NCOA2: variants seen among roughly 807,000 people sequenced by gnomAD.
NCOA2 encodes class E basic helix-loop-helix protein 75.
In NCOA2, 21 loss-of-function variants were observed where a neutral mutation model predicts 145.1. The observed-to-expected ratio is 0.14, with a 90% CI of 0.10 to 0.21. The LOEUF is 0.21. Among genes scored for constraint, NCOA2 ranks in the 10% least tolerant of loss-of-function variants. The pLI, the probability that NCOA2 is intolerant of heterozygous loss-of-function variation, is 1.00. For synonymous variants in NCOA2, 619 were observed against 637.5 expected (o/e 0.97, Z 0.44); for missense variants, 1,472 against 1,837.6 (o/e 0.80, Z 3.64).
Position 70,123,932 on chromosome 8 carries a change from T to G in NCOA2, c.4245A>C (p.Ser1415=). 1 of 1,613,922 alleles carries G rather than the reference T, an allele frequency of 6.2e-7. No individual in the cohort carries two copies. Among genetic ancestry groups the G allele is most frequent in the Non-Finnish European group, 8.5e-7 (1 of 1,179,818 alleles). ...GCCCTGACGTAGGCACGGAGGTCAC[T>G]GAGGTCATGCTGATCTGTCCTGTCA... The part of the protein sequence containing the change: ...NQMTGQISMT[S]VTSVPTSGLS... Residue 1415 remains serine, a synonymous_variant, in exon 21 of 23, where the codon TCA becomes TCC. Coordinates refer to ENST00000452400, the MANE Select transcript of NCOA2 (RefSeq NM_006540.4).
intron 4 of NCOA2, among the ~76,000 whole-genome samples, chr8:70,197,358 A>G (rs1298035211): frequency 6.6e-6 from 1 of 152,198 alleles, no homozygotes; most frequent in African/African-American, 2.4e-5. Context: ...TATCAGCTTT[A>G]TTACCTACTA....
At chr8:70,418,094 A>G in the NCOA2 span, among the ~76,000 whole-genome samples, 1 of 152,172 alleles carries the variant, frequency 6.6e-6, no homozygotes, top group Non-Finnish European at 1.5e-5. Context: ...CATAGTAGCG[A>G]TACTCCCTCC....
intron 3 of NCOA2, among the ~76,000 whole-genome samples, chr8:70,215,716 T>C (rs4484728): frequency 0.76 from 115,664 of 152,060 alleles, 45,065 homozygotes; most frequent in Non-Finnish European, 0.84. Flanking sequence ...ATTTAAAACA[T>C]TGAAAAAGTG....
the NCOA2 span, among the ~76,000 whole-genome samples, chr8:70,435,786 T>G: frequency 6.6e-6 from 1 of 151,950 alleles, no homozygotes; most frequent in Non-Finnish European, 1.5e-5. Flanking sequence ...TACATTTATT[T>G]TTGTGAATGT....
intron 1 of NCOA2, among the ~76,000 whole-genome samples, chr8:70,360,658 C>A (rs1269953785): frequency 6.6e-6 from 1 of 152,064 alleles, no homozygotes; most frequent in Non-Finnish European, 1.5e-5. Flanking sequence ...TATTTGTAGG[C>A]CGGGTGCGGT....
chr8:70,424,692 A>T, the NCOA2 span: 1 of 251,364 alleles, frequency 4.0e-6, no homozygotes, highest in Non-Finnish European at 8.1e-6. Context: ...CGTCCTAACT[A>T]CTCAATTCTG....
intron 15 of NCOA2, among the ~76,000 whole-genome samples, chr8:70,133,692 C>G (rs1809420061): frequency 6.6e-6 from 1 of 152,182 alleles, no homozygotes; most frequent in African/African-American, 2.4e-5. Flanking sequence ...TATAGATGAG[C>G]AAACTCATTC....
chr8:70,343,091 T>C (rs1430033622), intron 1 of NCOA2, among the ~76,000 whole-genome samples: 5 of 152,208 alleles, frequency 3.3e-5, no homozygotes, highest in East Asian at 1.9e-4. Flanking sequence ...TCAACAGTCA[T>C]TGCAAATACA....
intron 4 of NCOA2, among the ~76,000 whole-genome samples, chr8:70,205,475 C>T (rs967576518): frequency 2.6e-5 from 4 of 152,112 alleles, no homozygotes; most frequent in African/African-American, 2.4e-5. Flanking sequence ...TGGTGAAGCC[C>T]CCTTGCCACT....
intron 22 of NCOA2, among the ~76,000 whole-genome samples, chr8:70,116,671 A>G (rs1807175010): frequency 6.6e-6 from 1 of 152,248 alleles, no homozygotes; most frequent in South Asian, 2.1e-4. Context: ...GACAAATCCA[A>G]GTAACTTCCG....
At chr8:70,367,469 T>C (rs895048440) in intron 1 of NCOA2, among the ~76,000 whole-genome samples, 1 of 152,144 alleles carries the variant, frequency 6.6e-6, no homozygotes, top group Non-Finnish European at 1.5e-5. Flanking sequence ...AACAGAGTAA[T>C]AGTTACACCA....
At chr8:70,208,162 G>C (rs1818657216) in intron 4 of NCOA2, among the ~76,000 whole-genome samples, 1 of 152,224 alleles carries the variant, frequency 6.6e-6, no homozygotes, top group South Asian at 2.1e-4. Context: ...AGTTTCAGTT[G>C]TCTGGACAGA....
chr8:70,274,205 G>GAAA (rs201704083), intron 2 of NCOA2, among the ~76,000 whole-genome samples: 1,460 of 112,134 alleles, frequency 0.013, 24 homozygotes, highest in African/African-American at 0.042. Flanking sequence ...CTCATGTTTG[G>GAAA]AAAAAAAAAA....
At position 70,126,958 on chromosome 8, in the gene NCOA2, T is replaced by C; in HGVS notation, c.3771A>G (p.Gln1257=). 6.2e-7 allele frequency: 1 copy of C among 1,613,948 alleles called. No individual in the cohort carries two copies. Among genetic ancestry groups the C allele is most frequent in the Non-Finnish European group, 8.5e-7 (1 of 1,179,870 alleles). The change falls in exon 19 of 23, where the codon CAA becomes CAG. Residue 1257 remains glutamine, a synonymous_variant. Coordinates refer to ENST00000452400, the MANE Select transcript of NCOA2 (RefSeq NM_006540.4). ...LRQRQMHQQQ[Q]VQQRTLMMRG... ...TCATCATCAAAGTTCGTTGCTGAAC[T>C]TGCTGTTGCTGATGCATTTGTCTCT...
chr8:70,273,593 C>T (rs1376064256), intron 2 of NCOA2: 6 of 753,728 alleles, frequency 8.0e-6, no homozygotes, highest in South Asian at 2.7e-5. Context: ...CCCTAAAGCC[C>T]AGACATCTCT....
At chr8:70,302,906 C>A (rs191210239) in intron 1 of NCOA2, among the ~76,000 whole-genome samples, 10 of 152,230 alleles carry the variant, frequency 6.6e-5, no homozygotes, top group Non-Finnish European at 1.5e-4. Context: ...ACATACACAT[C>A]CACTATTTAC....
chr8:70,308,572 C>T (rs1356778126), intron 1 of NCOA2, among the ~76,000 whole-genome samples: 1 of 152,090 alleles, frequency 6.6e-6, no homozygotes, highest in Non-Finnish European at 1.5e-5. Flanking sequence ...GTATTCTCCT[C>T]TGGGAATTTC....
chr8:70,345,268 C>CAT (rs1285879258), intron 1 of NCOA2, among the ~76,000 whole-genome samples: 2 of 152,168 alleles, frequency 1.3e-5, no homozygotes, highest in African/African-American at 4.8e-5. Flanking sequence ...ATGCAGGATT[C>CAT]ATAAAGTTTT....
intron 2 of NCOA2, among the ~76,000 whole-genome samples, chr8:70,252,268 T>C (rs1823253104): frequency 6.6e-6 from 1 of 152,208 alleles, no homozygotes. Context: ...GAGAAGATCA[T>C]ACTACTTAAG....
Sources: allele counts gnomAD v4.1 joint callset (sites outside exome capture counted in the v4.1 genomes callset), GRCh38; gene constraint gnomAD v4.1.1; transcripts MANE v1.5; gene names NCBI Gene and HGNC (gene_info 2026-07-23, HGNC 2026-07-21).